Variants in USP34 observed in about 807,000 individuals in gnomAD.
USP34 encodes ubiquitin carboxyl-terminal hydrolase 34.
In USP34, 70 loss-of-function variants were observed where a neutral mutation model predicts 460.3. The ratio of observed to expected loss-of-function variants is 0.15; its 90% CI spans 0.13 to 0.19. The LOEUF is 0.19. USP34 is among the 10% of genes least tolerant of loss of function. The pLI is 1.00. For synonymous variants in USP34, 1,647 were observed against 1,405.3 expected, an observed-to-expected ratio of 1.17 and a Z score of -3.85; for missense variants, 3,985 against 4,236.2, an observed-to-expected ratio of 0.94 and a Z score of 1.65.
intron 25 of USP34, among the ~76,000 whole-genome samples, chr2:61,314,166 G>GAA (rs140445487): frequency 6.8e-6 from 1 of 147,134 alleles, no homozygotes; most frequent in African/African-American, 2.5e-5. Flanking sequence ...AGTCCAGGAA[G>GAA]AAAAAAAAAA....
chr2:61,330,596 C>G (rs1037117402), intron 20 of USP34, among the ~76,000 whole-genome samples: 1 of 152,162 alleles, frequency 6.6e-6, no homozygotes, highest in African/African-American at 2.4e-5. Flanking sequence ...TCCTCTTCTT[C>G]ATTAATATGC....
intron 30 of USP34, 70 bp downstream of exon 30, chr2:61,296,730 T>C (rs2103628082): frequency 1.3e-6 from 2 of 1,511,738 alleles, no homozygotes; most frequent in East Asian, 2.3e-5. Flanking sequence ...ACAGGCAATC[T>C]TCTACACTGT....
Position 61,293,520 on chromosome 2 carries a change from A to C in USP34, c.4492T>G (p.Leu1498Val). 1.2e-6 allele frequency: 2 copies of C among 1,613,004 alleles called. No individual in the cohort carries two copies. Among genetic ancestry groups the C allele is most frequent in the Non-Finnish European group, 1.7e-6 (2 of 1,179,368 alleles). The change falls in exon 33 of 80, where the codon TTA (leucine) becomes GTA (valine). Residue 1498 changes from leucine to valine, a missense_variant. By Grantham distance (32) the Leu-to-Val change is conservative. Transcript: ENST00000398571. ...AGAATTCCAGAATTAAAAATTTCTAATAACTGTTGAAGCCCTCCAGCAGCA... is the reference window on the plus strand; with the variant it reads ...AGAATTCCAGAATTAAAAATTTCTACTAACTGTTGAAGCCCTCCAGCAGCA... ...FVAAGGLQQL[L>V]EIFNSGILEP...
chr2:61,262,193 T>A (rs1338263822), intron 43 of USP34, among the ~76,000 whole-genome samples: 2 of 150,010 alleles, frequency 1.3e-5, no homozygotes, highest in Non-Finnish European at 3.0e-5. Flanking sequence ...TTTTTTTTTT[T>A]ACTGTTTACT....
At chr2:61,456,458 CTT>C (rs1695443867) in intron 1 of USP34, among the ~76,000 whole-genome samples, 1 of 152,214 alleles carries the variant, frequency 6.6e-6, no homozygotes, top group Admixed American at 6.6e-5. Context: ...AAGATTCACT[CTT>C]TTTCTCCGCA....
intron 16 of USP34, among the ~76,000 whole-genome samples, chr2:61,342,473 T>TA (rs1488801419): frequency 6.8e-6 from 1 of 147,876 alleles, no homozygotes; most frequent in South Asian, 2.1e-4. Flanking sequence ...GCTAATTTAT[T>TA]TTTTTTTTTT....
At chr2:61,370,461 T>C (rs1376767129) in intron 9 of USP34, 37 bp downstream of exon 9, 1 of 1,612,770 alleles carries the variant, frequency 6.2e-7, no homozygotes, top group Non-Finnish European at 8.5e-7. Flanking sequence ...TTCTTCTCTA[T>C]CAATAGAACA....
intron 49 of USP34, among the ~76,000 whole-genome samples, chr2:61,247,834 G>A (rs1048807927): frequency 8.6e-5 from 13 of 151,766 alleles, no homozygotes; most frequent in Admixed American, 3.9e-4. Context: ...TCGCTCTGTC[G>A]CCCACACTGG....
At chr2:61,414,042 G>A (rs919739703) in intron 2 of USP34, among the ~76,000 whole-genome samples, 1 of 152,116 alleles carries the variant, frequency 6.6e-6, no homozygotes, top group African/African-American at 2.4e-5. Flanking sequence ...TGGACTGCCT[G>A]AGCTCAGGAG....
Position 61,429,222 on chromosome 2 carries a change from C to T in USP34, c.44-8389G>A, listed in dbSNP as rs747542184. 9.9e-5 allele frequency among the ~76,000 whole-genome samples: 15 copies of T among 151,778 alleles called. 1 individual carries two copies. The highest frequency in any genetic ancestry group is 2.6e-4 in the Admixed American group (4 of 15,212). ...CAGCACTTTGGGAGGCCGAGGCAGG[C>T]GGATCACGAGGTCAGGAGATCGAGA... On this transcript the variant is annotated intron_variant, in intron 1 of 79. Coordinates refer to ENST00000398571, the MANE Select transcript of USP34 (RefSeq NM_014709.4).
intron 1 of USP34, 53 bp from the exon 2 acceptor site, chr2:61,420,886 A>G: frequency 7.5e-7 from 1 of 1,333,902 alleles, no homozygotes; most frequent in Non-Finnish European, 1.0e-6. Flanking sequence ...CCAGTATTAA[A>G]GCCAACAGTT....
chr2:61,215,517 T>C (rs1687371476), intron 67 of USP34, among the ~76,000 whole-genome samples: 1 of 152,218 alleles, frequency 6.6e-6, no homozygotes, highest in Admixed American at 6.5e-5. Flanking sequence ...GACTTATTAG[T>C]TGCGCTAACC....
intron 20 of USP34, among the ~76,000 whole-genome samples, chr2:61,330,395 T>G (rs1691224309): frequency 6.6e-6 from 1 of 152,192 alleles, no homozygotes; most frequent in Non-Finnish European, 1.5e-5. Flanking sequence ...GGAGGATAGC[T>G]GCACCCTAAA....
At chr2:61,416,921 G>A in intron 2 of USP34, 1 of 1,100,488 alleles carries the variant, frequency 9.1e-7, no homozygotes, top group Non-Finnish European at 1.3e-6. Context: ...AGAGGGCCAT[G>A]AATGGCGACA....
chr2:61,353,694 G>C (rs34254166), intron 10 of USP34, among the ~76,000 whole-genome samples: 1 of 151,686 alleles, frequency 6.6e-6, no homozygotes, highest in South Asian at 2.1e-4. Flanking sequence ...GCCTCCCAAA[G>C]TGCTAGGATT....
chr2:61,317,760 T>C lies in USP34; in HGVS notation c.3176A>G (p.Gln1059Arg), dbSNP rs929578771. Residue 1059 changes from glutamine to arginine, a missense_variant, in exon 23 of 80, where the codon CAG becomes CGG. Physicochemically the swap from Gln to Arg is conservative, Grantham distance 43. Transcript: ENST00000398571. ...CATGCTAATTGTTTCAGGTTTTAGCTGGGGCATCTTTGGAAGGGTAGGGGG... is the reference window on the plus strand; with the variant it reads ...CATGCTAATTGTTTCAGGTTTTAGCCGGGGCATCTTTGGAAGGGTAGGGGG... The part of the protein sequence containing the change: ...YKHLFLEKMP[Q>R]LKPETISMTG... 2 of 1,613,438 alleles carry C rather than the reference T, an allele frequency of 1.2e-6. No homozygotes were observed. Among genetic ancestry groups the C allele is most frequent in the African/African-American group, 2.7e-5 (2 of 74,896 alleles).
intron 50 of USP34, 142 bp downstream of exon 50, chr2:61,246,182 C>T: frequency 1.9e-6 from 1 of 525,468 alleles, no homozygotes. Context: ...TTTACACTGT[C>T]TGTTGAAAGT....
Position 61,386,925 on chromosome 2 carries a change from TTTC to T in USP34, c.754-3592_754-3590del, listed in dbSNP as rs199759470. Among the ~76,000 whole-genome samples the T allele has an allele frequency of 5.8e-3, 879 of 152,254 alleles. 12 individuals carry two copies. Among genetic ancestry groups the T allele is most frequent in the African/African-American group, 0.02 (811 of 41,560 alleles). ...ACAACATGAAGCTTGATGAATAATA[TTTC>T]TTCAACACAACAGTGAAAAGCAACA... On this transcript the variant is annotated intron_variant, in intron 5 of 79. Transcript: ENST00000398571.
intron 1 of USP34, among the ~76,000 whole-genome samples, chr2:61,452,927 A>C (rs375765087): frequency 7.0e-6 from 1 of 142,262 alleles, no homozygotes; most frequent in Non-Finnish European, 1.5e-5. Flanking sequence ...AAAAAAAAAA[A>C]CACCCACAAC....
Sources: gnomAD v4.1 joint callset for allele counts (sites outside exome capture counted in the v4.1 genomes callset) on GRCh38, gnomAD v4.1.1 for gene constraint, MANE v1.5 for transcripts, NCBI Gene and HGNC (gene_info 2026-07-23, HGNC 2026-07-21) for gene names.